PKN3: variants seen among roughly 807,000 people sequenced by gnomAD.
PKN3 encodes the protein protein kinase N3, also known as serine/threonine-protein kinase N3.
Under a neutral mutation model 113.1 loss-of-function variants are expected in PKN3, and 91 were observed. That is an observed-to-expected ratio of 0.80 (90% CI 0.68 to 0.96). The LOEUF (loss-of-function observed/expected upper bound fraction) is 0.96, where lower values mean the gene tolerates loss of function less well. PKN3 is among the 40% of genes least tolerant of loss of function. The pLI, the probability that PKN3 is intolerant of heterozygous loss-of-function variation, is 0.00. For missense variants in PKN3, 1,052 were observed against 1,202.2 expected, an observed-to-expected ratio of 0.88 and a Z score of 1.85; for synonymous variants, 467 against 499.0, an observed-to-expected ratio of 0.94 and a Z score of 0.85.
intron 6 of PKN3, among the ~76,000 whole-genome samples, chr9:128,711,610 G>C (rs1026585865): frequency 2.2e-5 from 3 of 138,994 alleles, no homozygotes; most frequent in Non-Finnish European, 4.7e-5. Context: ...TTTTTTGGGG[G>C]GGGTGGGGGA....
In PKN3 at chr9:128,705,851, C is replaced by A. The variant is rs754464265; in HGVS notation, c.383C>A (p.Thr128Asn). The change falls in exon 3 of 22, where the codon ACC becomes AAC. Residue 128 changes from threonine (T) to asparagine (N), a missense_variant. Physicochemically the swap from Thr to Asn is moderately conservative, Grantham distance 65. Around this residue, in one of 2 missense-constraint regions of PKN3, gnomAD observed 719 missense variants for 759.4 expected, o/e 0.95. Coordinates refer to ENST00000291906, the MANE Select transcript of PKN3 (RefSeq NM_013355.5). The stretch of plus-strand genomic sequence containing the variant: ...GTGAAGCAGGGGGCTGAGAACATGA[C>A]CCACACGTGCGCCAGTGGCACCCCC... The part of the protein sequence containing the change: ...LKVKQGAENM[T>N]HTCASGTPKE... 6.2e-7 allele frequency: 1 copy of A among 1,602,670 alleles called. No individual in the cohort carries two copies. Among genetic ancestry groups the A allele is most frequent in the Non-Finnish European group, 8.5e-7 (1 of 1,172,870 alleles).
Position 128,713,567 on chromosome 9 carries a change from A to G in PKN3, c.1161A>G (p.Arg387=). Residue 387 remains arginine, a synonymous_variant, in exon 9 of 22, where the codon AGA becomes AGG. Transcript: ENST00000291906. ...WRQLCGVAFL[R]LEDFLDNACH... is the part of the protein sequence containing the mutation. The stretch of plus-strand genomic sequence containing the variant: ...AGCTATGTGGCGTGGCCTTCCTGAG[A>G]CTTGAGGACTTCCTGGACAATGCCT... 1 of 1,613,770 alleles carries G rather than the reference A, an allele frequency of 6.2e-7. No homozygotes were observed. The highest frequency in any genetic ancestry group is 8.5e-7 in the Non-Finnish European group (1 of 1,179,958).
Position 128,720,687 on chromosome 9 carries a change from G to T in PKN3, c.*81G>T. 1 of 1,228,836 alleles carries T rather than the reference G, an allele frequency of 8.1e-7. No homozygotes were observed. Among genetic ancestry groups the T allele is most frequent in the Non-Finnish European group, 1.2e-6 (1 of 866,438 alleles). The allele number at this position is 1,228,836 out of a possible 1,614,324, so 76.1% of individuals were successfully genotyped here. On this transcript the variant is annotated 3_prime_UTR_variant, in exon 22 of 22. Coordinates refer to ENST00000291906, the MANE Select transcript of PKN3 (RefSeq NM_013355.5). This position sits in a 1 kb window ranked among gnomAD's most constrained non-coding sequence, Gnocchi z 5.5. ...CGTTCACCCGTGCGCCCTGCCTGGA[G>T]GTCCAGGCCTTGCTGGGTACTTCTG... is the stretch of plus-strand genomic sequence containing the variant.
Position 128,714,343 on chromosome 9 carries a change from G to A in PKN3, c.1459G>A (p.Ala487Thr), listed in dbSNP as rs200435271. Residue 487 changes from alanine (A) to threonine (T), a missense_variant, in exon 11 of 22, where the codon GCC becomes ACC. Ala to Thr is a moderately conservative substitution (Grantham distance 58, BLOSUM62 0). Transcript: ENST00000291906. ...TCGGACCCCAACAACACTGCGAGAG[G>A]CCTCTGACCCTGCCACTCCCAGGTG... The part of the protein sequence containing the change: ...CPRTPTTLRE[A>T]SDPATPSNFL... The A allele has an allele frequency of 1.2e-6, 2 of 1,602,664 alleles. No homozygotes were observed. Among genetic ancestry groups the A allele is most frequent in the Admixed American group, 3.5e-5 (2 of 57,902 alleles).
At position 128,719,679 on chromosome 9, in the gene PKN3, T is replaced by A; in HGVS notation, c.2126-7T>A. 2 of 1,539,764 alleles carry A rather than the reference T, an allele frequency of 1.3e-6. No individual in the cohort carries two copies. Among genetic ancestry groups the A allele is most frequent in the Non-Finnish European group, 1.7e-6 (2 of 1,143,460 alleles). ...AAGCAGCTATTGGTGTGCCTGTTGG[T>A]TTGCAGGGATCGGCTTCGGGGACCG... On this transcript the variant is annotated splice_polypyrimidine_tract_variant and splice_region_variant and intron_variant, in intron 18 of 21. Coordinates refer to ENST00000291906, the MANE Select transcript of PKN3 (RefSeq NM_013355.5).
chr9:128,716,927 G>C lies in PKN3; in HGVS notation c.1985+4G>C, dbSNP rs1862356559. On this transcript the variant is annotated splice_donor_region_variant and intron_variant, in intron 16 of 21. Coordinates refer to ENST00000291906, the MANE Select transcript of PKN3 (RefSeq NM_013355.5). ...TCTTCCCCGAGCCCCAGGCCCGGTG[G>C]GTTCCATCCCTCCTGCCTGCCTCTT... The C allele has an allele frequency of 6.2e-7, 1 of 1,612,668 alleles. No homozygotes were observed. The highest frequency in any genetic ancestry group is 1.1e-5 in the South Asian group (1 of 91,032).
Position 128,707,420 on chromosome 9 carries a change from C to T in PKN3, c.835+15C>T, listed in dbSNP as rs745444993. 1.3e-6 allele frequency: 2 copies of T among 1,585,878 alleles called. No homozygotes were observed. Among genetic ancestry groups the T allele is most frequent in the South Asian group, 1.1e-5 (1 of 90,162 alleles). The stretch of plus-strand genomic sequence containing the variant: ...CGCCCTAACAGGTAGTCAGAAGTTC[C>T]TCCCCCTTCAAAGCTCTCCTTCTTT... On this transcript the variant is annotated intron_variant, in intron 6 of 21. Transcript: ENST00000291906.
rs150025953 is a variant in PKN3, at chr9:128,713,346, G to A, written c.1051G>A (p.Glu351Lys). The A allele has an allele frequency of 1.4e-3, 2,258 of 1,614,088 alleles. 36 individuals carry two copies. Among genetic ancestry groups the A allele is most frequent in the Non-Finnish European group, 2.4e-4 (278 of 1,180,016 alleles). ...GCAGACGGGCTGGGGGCAGGTGGCC[G>A]AACAGTCCTGGGACCAGACCTTTGT... ...VGQTGWGQVAEQSWDQTFVIP... is the reference protein window; with the variant it reads ...VGQTGWGQVAKQSWDQTFVIP... The change falls in exon 8 of 22, where the codon GAA becomes AAA. Residue 351 changes from glutamate to lysine, a missense_variant. Physicochemically the swap from Glu to Lys is moderately conservative, Grantham distance 56. Coordinates refer to ENST00000291906, the MANE Select transcript of PKN3 (RefSeq NM_013355.5).
In PKN3 at chr9:128,719,845, G is replaced by A; in HGVS notation, c.2268+17G>A. 1 of 1,438,650 alleles carries A rather than the reference G, an allele frequency of 7.0e-7. No individual in the cohort carries two copies. The highest frequency in any genetic ancestry group is 9.7e-7 in the Non-Finnish European group (1 of 1,030,492). 89.1% of individuals were successfully genotyped at this position (1,438,650 alleles called of 1,614,324 possible). A position where few individuals can be genotyped will look rare whatever the true frequency, so the allele number is the denominator to read the frequency against. The stretch of plus-strand genomic sequence containing the variant: ...GTGGGTGAGGTGAGTGCTGGAGCCT[G>A]TTTCCTGGGCCTCTGGGTGGGGGTG... On this transcript the variant is annotated intron_variant, in intron 19 of 21. Transcript: ENST00000291906.
At chr9:128,709,888 T>C (rs1170947644) in intron 6 of PKN3, 4 of 147,616 alleles carry the variant, frequency 2.7e-5, no homozygotes, top group African/African-American at 9.9e-5. Flanking sequence ...ATTGTGCCAC[T>C]GCACTCCAGC....
Position 128,715,271 on chromosome 9 carries a change from G to T in PKN3, c.1716+36G>T, listed in dbSNP as rs773789559. ...GAAGAGGGTGGTATGGGACGGGATT[G>T]GGGGCCTCATCACATGAGCCGGGAG... On this transcript the variant is annotated intron_variant, in intron 14 of 21. Transcript: ENST00000291906. The surrounding 1 kb of genome is among the most constrained non-coding windows in gnomAD (Gnocchi z 4.1). 1.9e-6 allele frequency: 3 copies of T among 1,610,912 alleles called. No individual in the cohort carries two copies. Among genetic ancestry groups the T allele is most frequent in the Non-Finnish European group, 2.5e-6 (3 of 1,177,224 alleles).
chr9:128,713,995 G>T (rs1862259732), intron 9 of PKN3, 51 bp from the exon 10 acceptor site: 3 of 1,581,182 alleles, frequency 1.9e-6, no homozygotes, highest in South Asian at 2.2e-5. Context: ...AGGTGCCATG[G>T]CAGATGAGAT....
In PKN3 at chr9:128,719,788, G is replaced by C. The variant is rs1862469206; in HGVS notation, c.2228G>C (p.Trp743Ser). 1 of 1,607,884 alleles carries C rather than the reference G, an allele frequency of 6.2e-7. No homozygotes were observed. ...QEAYTRAVDW[W>S]GLGVLLYEML... ...GCATACACACGGGCTGTGGACTGGT[G>C]GGGGCTGGGTGTGCTGCTCTACGAG... The change falls in exon 19 of 22, where the codon TGG (tryptophan) becomes TCG (serine). Residue 743 changes from tryptophan to serine, a missense_variant. Coordinates refer to ENST00000291906, the MANE Select transcript of PKN3 (RefSeq NM_013355.5).
At chr9:128,708,482 C>T (rs1862085002) in intron 6 of PKN3, among the ~76,000 whole-genome samples, 1 of 151,704 alleles carries the variant, frequency 6.6e-6, no homozygotes, top group Admixed American at 6.6e-5. Context: ...CTTTGAGAGG[C>T]TGAGGTGGGA....
intron 1 of PKN3, chr9:128,703,718 G>A: frequency 1.0e-6 from 1 of 985,420 alleles, no homozygotes; most frequent in Non-Finnish European, 1.2e-6. Flanking sequence ...GGGACCATGG[G>A]GGTGTTGCGG....
rs143619436 is a variant in PKN3 at position 128,714,888 on chromosome 9, A to G, written c.1652+23A>G. The G allele has an allele frequency of 3.1e-6, 5 of 1,605,136 alleles. No individual in the cohort carries two copies. In the East Asian group the frequency reaches 1.1e-4, roughly 36 times the overall value. On this transcript the variant is annotated intron_variant, in intron 13 of 21. Coordinates refer to ENST00000291906, the MANE Select transcript of PKN3 (RefSeq NM_013355.5). ...CAGGTACCCCATCCTGCGCACCTTCATGTTTGAGACGTTCGTCTGCTTGCT... is the reference window on the plus strand; with the variant it reads ...CAGGTACCCCATCCTGCGCACCTTCGTGTTTGAGACGTTCGTCTGCTTGCT...
rs188247105 is a variant in PKN3, at chr9:128,706,212, G to C, written c.411+333G>C. Among the ~76,000 whole-genome samples the C allele has an allele frequency of 4.5e-4, 69 of 152,324 alleles. 1 individual carries two copies. The highest frequency in any genetic ancestry group is 1.6e-3 in the African/African-American group (66 of 41,572). ...GCAGGACCTTAGCCTTGATCTAATGGGGGAGGCTTAGCTTAGCCCCTGCCC... is the reference window on the plus strand; with the variant it reads ...GCAGGACCTTAGCCTTGATCTAATGCGGGAGGCTTAGCTTAGCCCCTGCCC... On this transcript the variant is annotated intron_variant, in intron 3 of 21. Coordinates refer to ENST00000291906, the MANE Select transcript of PKN3 (RefSeq NM_013355.5).
intron 6 of PKN3, among the ~76,000 whole-genome samples, chr9:128,708,405 T>C (rs1316084544): frequency 2.0e-5 from 3 of 151,576 alleles, no homozygotes; most frequent in African/African-American, 7.3e-5. Context: ...ATAATTTCCT[T>C]GGAAAAAAAA....
chr9:128,705,240 G>T, intron 1 of PKN3, 63 bp from the exon 2 acceptor site: 2 of 1,540,664 alleles, frequency 1.3e-6, no homozygotes, highest in Non-Finnish European at 8.7e-7. Flanking sequence ...GTGAGCAAAG[G>T]CTGCTGGTGG....
Sources: allele counts gnomAD v4.1 joint callset (sites outside exome capture counted in the v4.1 genomes callset), GRCh38; gene constraint gnomAD v4.1.1; regional missense constraint gnomAD v4.1.1; non-coding constraint Gnocchi (gnomAD v3.1); transcripts MANE v1.5; gene names NCBI Gene and HGNC (gene_info 2026-07-23, HGNC 2026-07-21).